GMDS: variants seen among roughly 807,000 people sequenced by gnomAD.
GMDS encodes GDP-mannose 4,6-dehydratase.
In GMDS, 20 loss-of-function variants were observed where a neutral mutation model predicts 49.9. That is an observed-to-expected ratio of 0.40 (90% CI 0.28 to 0.58). GMDS has a LOEUF of 0.58. Ranked by LOEUF, GMDS falls within the 20% of genes least tolerant of loss-of-function variation. The probability of loss-of-function intolerance (pLI) is 0.42; values close to 1 mark genes in which losing one functional copy is unlikely to be tolerated. For missense variants in GMDS, 362 were observed against 481.4 expected, an observed-to-expected ratio of 0.75 and a Z score of 2.32; for synonymous variants, 177 against 178.6, an observed-to-expected ratio of 0.99 and a Z score of 0.07.
intron 1 of GMDS, among the ~76,000 whole-genome samples, chr6:2,168,911 T>G (rs1777804366): frequency 6.6e-6 from 1 of 152,246 alleles, no homozygotes; most frequent in Non-Finnish European, 1.5e-5. Flanking sequence ...CACTGGTATT[T>G]AAAATTCTAT....
Sources: gnomAD v4.1 joint callset for allele counts (sites outside exome capture counted in the v4.1 genomes callset) on GRCh38, gnomAD v4.1.1 for gene constraint, MANE v1.5 for transcripts, NCBI Gene and HGNC (gene_info 2026-07-23, HGNC 2026-07-21) for gene names.